RAB8B: variants seen among roughly 807,000 people sequenced by gnomAD.
The protein encoded by RAB8B is RAB8B, member RAS oncogene family, also known as ras-related protein Rab-8B.
In RAB8B, 11 loss-of-function variants were observed where a neutral mutation model predicts 32.0. The observed-to-expected ratio is 0.34, with a 90% CI of 0.22 to 0.57. RAB8B has a LOEUF of 0.57. Among genes scored for constraint, RAB8B ranks in the 20% least tolerant of loss-of-function variants. The pLI is 0.86. For synonymous variants in RAB8B, 103 were observed against 89.6 expected, an observed-to-expected ratio of 1.15 and a Z score of -0.85; for missense variants, 190 against 258.5, an observed-to-expected ratio of 0.73 and a Z score of 1.82.
intron 7 of RAB8B, 108 bp from the exon 8 acceptor site, chr15:63,263,419 T>G: frequency 1.8e-6 from 1 of 557,076 alleles, no homozygotes; most frequent in Non-Finnish European, 2.8e-6. Flanking sequence ...CACATTTCAC[T>G]AGAATACACA....
intron 1 of RAB8B, among the ~76,000 whole-genome samples, chr15:63,226,306 G>A (rs140210667): frequency 7.2e-5 from 11 of 152,242 alleles, no homozygotes; most frequent in South Asian, 4.1e-4. Context: ...AGCAGCCTCC[G>A]TCAGTTTTCT....
chr15:63,214,650 T>C (rs2037776981), intron 1 of RAB8B, among the ~76,000 whole-genome samples: 3 of 152,156 alleles, frequency 2.0e-5, no homozygotes, highest in South Asian at 2.1e-4. Context: ...TTTCTAACAC[T>C]TCACAAAGCT....
chr15:63,229,721 C>T (rs1003338038), intron 1 of RAB8B, among the ~76,000 whole-genome samples: 1 of 127,650 alleles, frequency 7.8e-6, no homozygotes, highest in African/African-American at 3.0e-5. Context: ...GCAGAGGTTG[C>T]AGTGAGCCGA....
At chr15:63,232,912 TATAA>T (rs1416530200) in intron 1 of RAB8B, among the ~76,000 whole-genome samples, 1 of 148,966 alleles carries the variant, frequency 6.7e-6, no homozygotes, top group African/African-American at 2.5e-5. Flanking sequence ...ACAATTTTAA[TATAA>T]ATAAACAAAA....
At position 63,264,902 on chromosome 15, in the gene RAB8B, A is replaced by T. The variant is rs1333459192; in HGVS notation, c.*1283A>T. 6.6e-6 allele frequency: 1 copy of T among 152,662 alleles called. No individual in the cohort carries two copies. Among genetic ancestry groups the T allele is most frequent in the Non-Finnish European group, 1.5e-5 (1 of 68,030 alleles). The allele number at this position is 152,662 out of a possible 1,614,324, so 9.5% of individuals were successfully genotyped here. ...GGTTCATTGTTACAGAACTTAGTCC[A>T]GTCATTTGGGCTAAAGCCAACCAAA... On this transcript the variant is annotated 3_prime_UTR_variant, in exon 8 of 8. Transcript: ENST00000321437.
At chr15:63,234,866 G>T (rs966753999) in intron 1 of RAB8B, among the ~76,000 whole-genome samples, 5 of 152,186 alleles carry the variant, frequency 3.3e-5, no homozygotes, top group Non-Finnish European at 7.4e-5. Flanking sequence ...CTTCCTGCCA[G>T]AGTGCCACTC....
intron 1 of RAB8B, among the ~76,000 whole-genome samples, chr15:63,192,042 T>C (rs2141103574): frequency 6.6e-6 from 1 of 152,312 alleles, no homozygotes; most frequent in East Asian, 1.9e-4. Context: ...GTGAATCTCA[T>C]GTGACATCTT....
At chr15:63,258,853 C>T (rs1310504393) in intron 5 of RAB8B, among the ~76,000 whole-genome samples, 11 of 152,080 alleles carry the variant, frequency 7.2e-5, no homozygotes, top group Non-Finnish European at 1.6e-4. Flanking sequence ...GGGGACCAAT[C>T]AGAGGTACTT....
intron 1 of RAB8B, among the ~76,000 whole-genome samples, chr15:63,191,752 A>G (rs2037557547): frequency 6.6e-6 from 1 of 152,200 alleles, no homozygotes; most frequent in Non-Finnish European, 1.5e-5. Context: ...AATCTCGCTG[A>G]TGCTGTTTTT....
At chr15:63,260,645 T>C (rs2038195484) in intron 6 of RAB8B, among the ~76,000 whole-genome samples, 1 of 152,066 alleles carries the variant, frequency 6.6e-6, no homozygotes, top group African/African-American at 2.4e-5. Flanking sequence ...GTAACAAACC[T>C]GCATGTTCTA....
At chr15:63,228,628 A>G (rs2037908646) in intron 1 of RAB8B, among the ~76,000 whole-genome samples, 1 of 152,222 alleles carries the variant, frequency 6.6e-6, no homozygotes, top group East Asian at 1.9e-4. Context: ...AAAGAGGAAC[A>G]TATTTGTCTG....
In RAB8B at chr15:63,191,365, A is replaced by G. The variant is rs2037554804; in HGVS notation, c.124+1617A>G. Among the ~76,000 whole-genome samples the G allele has an allele frequency of 3.3e-5, 5 of 152,318 alleles. No individual in the cohort carries two copies. The South Asian group carries it at 1.0e-3, about 32-fold the overall frequency. On this transcript the variant is annotated intron_variant, in intron 1 of 7. Transcript: ENST00000321437. The stretch of plus-strand genomic sequence containing the variant: ...AGTAAAGGCTATGGTTTGTTTGCTC[A>G]TTCTGGATTCTTTCATATAGATTGA...
intron 1 of RAB8B, among the ~76,000 whole-genome samples, chr15:63,221,033 A>C (rs1453448615): frequency 6.6e-6 from 1 of 152,210 alleles, no homozygotes; most frequent in African/African-American, 2.4e-5. Flanking sequence ...GAGAGTGAGC[A>C]GAGTTGGCTG....
At position 63,202,498 on chromosome 15, in the gene RAB8B, G is replaced by A. The variant is rs545681533; in HGVS notation, c.124+12750G>A. 5.3e-5 allele frequency among the ~76,000 whole-genome samples: 8 copies of A among 152,310 alleles called. No homozygotes were observed. The East Asian group carries it at 1.5e-3, about 29-fold the overall frequency. Reference sequence around the variant, plus strand: ...CCTTAGGAAGCAATCAAATATGTGTGCAGCAGAATGGGAACAGGAGGGGAC... The same window carrying A: ...CCTTAGGAAGCAATCAAATATGTGTACAGCAGAATGGGAACAGGAGGGGAC... On this transcript the variant is annotated intron_variant, in intron 1 of 7. Coordinates refer to ENST00000321437, the MANE Select transcript of RAB8B (RefSeq NM_016530.3).
chr15:63,241,202 G>T (rs571808739), intron 1 of RAB8B, among the ~76,000 whole-genome samples: 1 of 152,252 alleles, frequency 6.6e-6, no homozygotes, highest in African/African-American at 2.4e-5. Flanking sequence ...AGTTAACTGG[G>T]TGTAGTGGAG....
chr15:63,254,101 C>T (rs1247146121), intron 3 of RAB8B, among the ~76,000 whole-genome samples: 2 of 152,212 alleles, frequency 1.3e-5, no homozygotes, highest in Non-Finnish European at 2.9e-5. Flanking sequence ...CTTTCTTTCA[C>T]TCAATCCAGC....
intron 1 of RAB8B, among the ~76,000 whole-genome samples, chr15:63,202,776 AC>A (rs1398133747): frequency 6.6e-6 from 1 of 152,062 alleles, no homozygotes; most frequent in African/African-American, 2.4e-5. Flanking sequence ...GTTTGTAAAA[AC>A]CTTGTTTGGC....
chr15:63,261,224 A>G (rs75561597), intron 6 of RAB8B, among the ~76,000 whole-genome samples: 1 of 152,318 alleles, frequency 6.6e-6, no homozygotes, highest in East Asian at 1.9e-4. Flanking sequence ...ACAGTGAGCT[A>G]TCATCTCACC....
At chr15:63,218,330 G>A (rs1448217826) in intron 1 of RAB8B, among the ~76,000 whole-genome samples, 1 of 152,188 alleles carries the variant, frequency 6.6e-6, no homozygotes, top group Non-Finnish European at 1.5e-5. Context: ...CTATCACAGT[G>A]CCTGGCCTTA....
Sources: allele counts gnomAD v4.1 joint callset (sites outside exome capture counted in the v4.1 genomes callset), GRCh38; gene constraint gnomAD v4.1.1; transcripts MANE v1.5; gene names NCBI Gene and HGNC (gene_info 2026-07-23, HGNC 2026-07-21).